The following ARSB variants were observed in gnomAD, a reference collection of about 807,000 sequenced individuals.
ARSB encodes arylsulfatase B, also known as N-acetylgalactosamine-4-sulfatase.
A neutral mutation model predicts 50.9 loss-of-function variants in ARSB; 41 were observed. That is an observed-to-expected ratio of 0.81 (90% CI 0.63 to 1.04). The LOEUF is 1.04. Among genes scored for constraint, ARSB ranks in the 50% least tolerant of loss-of-function variants. The probability of loss-of-function intolerance (pLI) is 0.00; values close to 1 mark genes in which losing one functional copy is unlikely to be tolerated. For missense variants in ARSB, 672 were observed against 693.3 expected (o/e 0.97, Z 0.35); for synonymous variants, 269 against 284.8 (o/e 0.94, Z 0.56).
intron 4 of ARSB, among the ~76,000 whole-genome samples, chr5:78,945,968 CATA>C (rs1488664615): frequency 6.6e-6 from 1 of 152,146 alleles, no homozygotes; most frequent in Admixed American, 6.5e-5. Context: ...ATTCCCACTG[CATA>C]ATAATAATAC....
At chr5:78,848,201 A>C (rs893522355) in intron 5 of ARSB, among the ~76,000 whole-genome samples, 1 of 147,438 alleles carries the variant, frequency 6.8e-6, no homozygotes, top group Non-Finnish European at 1.5e-5. Context: ...TATATCTCCT[A>C]ATGCTATCCT....
rs540387813 is a variant in ARSB at position 78,871,203 on chromosome 5, G to A, written c.1142+14381C>T. Among the ~76,000 whole-genome samples, 96 of 151,634 alleles carry A rather than the reference G, an allele frequency of 6.3e-4. 1 individual carries two copies. The highest frequency in any genetic ancestry group is 1.2e-3 in the Non-Finnish European group (81 of 67,896). ...ATGGAAGAACATTCCATGCTCATGGGTAGGAAGAATCAATATCGTGAAAAT... is the reference window on the plus strand; with the variant it reads ...ATGGAAGAACATTCCATGCTCATGGATAGGAAGAATCAATATCGTGAAAAT... On this transcript the variant is annotated intron_variant, in intron 5 of 7. Coordinates refer to ENST00000264914, the MANE Select transcript of ARSB (RefSeq NM_000046.5).
chr5:78,853,055 C>G (rs549410910), intron 5 of ARSB, among the ~76,000 whole-genome samples: 1 of 152,370 alleles, frequency 6.6e-6, no homozygotes, highest in East Asian at 1.9e-4. Context: ...CTTTTCTCAA[C>G]TCGTCAAAGT....
At chr5:78,924,508 G>A (rs568003392) in intron 4 of ARSB, among the ~76,000 whole-genome samples, 31 of 152,280 alleles carry the variant, frequency 2.0e-4, no homozygotes, top group African/African-American at 7.5e-4. Flanking sequence ...CTATGGCTTT[G>A]CCCAGCCTTG....
intron 5 of ARSB, among the ~76,000 whole-genome samples, chr5:78,863,285 C>A (rs544645830): frequency 6.6e-6 from 1 of 152,254 alleles, no homozygotes; most frequent in South Asian, 2.1e-4. Flanking sequence ...ATAAATCATG[C>A]TACTATAAAG....
rs1748858285 is a variant in ARSB, at chr5:78,779,304, C to T, written c.*1093G>A. The T allele has an allele frequency of 6.6e-6, 1 of 152,110 alleles. No individual in the cohort carries two copies. The highest frequency in any genetic ancestry group is 2.1e-4 in the South Asian group (1 of 4,816). The allele number at this position is 152,110 out of a possible 1,614,324, so 9.4% of individuals were successfully genotyped here. On this transcript the variant is annotated 3_prime_UTR_variant, in exon 8 of 8. Transcript: ENST00000264914. ...AGAGAATAAGAGGACTGTGGGTGTG[C>T]CCTCCTCTGCTTTACCAAGGCCCAG...
intron 4 of ARSB, among the ~76,000 whole-genome samples, chr5:78,899,857 C>T (rs1293527491): frequency 6.6e-6 from 1 of 152,076 alleles, no homozygotes; most frequent in Non-Finnish European, 1.5e-5. Context: ...GACTGTGGTT[C>T]CCTGTTTGCT....
chr5:78,919,383 C>A (rs529851280), intron 4 of ARSB, among the ~76,000 whole-genome samples: 4 of 152,176 alleles, frequency 2.6e-5, no homozygotes, highest in Admixed American at 6.5e-5. Context: ...ATGTATGATC[C>A]AAATACCCAA....
At chr5:78,898,844 C>T (rs975430519) in intron 4 of ARSB, among the ~76,000 whole-genome samples, 3 of 152,180 alleles carry the variant, frequency 2.0e-5, no homozygotes, top group Admixed American at 6.5e-5. Context: ...GATTGCATAC[C>T]AGCAATACAG....
At chr5:78,968,812 T>C (rs1020531706) in intron 2 of ARSB, among the ~76,000 whole-genome samples, 194 bp downstream of exon 2, 1 of 152,168 alleles carries the variant, frequency 6.6e-6, no homozygotes, top group Non-Finnish European at 1.5e-5. Flanking sequence ...ACAAAGGTAA[T>C]GGGTTTGCCC....
chr5:78,934,972 T>C (rs1478277345), intron 4 of ARSB, among the ~76,000 whole-genome samples: 2 of 152,124 alleles, frequency 1.3e-5, no homozygotes, highest in Admixed American at 6.5e-5. Context: ...CTAGCATTCA[T>C]CACTTTAAAC....
chr5:78,937,807 A>G (rs1439371499), intron 4 of ARSB, among the ~76,000 whole-genome samples: 1 of 152,088 alleles, frequency 6.6e-6, no homozygotes, highest in African/African-American at 2.4e-5. Flanking sequence ...CACAGACACA[A>G]TCTAGGTTCA....
chr5:78,970,813 T>C (rs962019588), intron 1 of ARSB, among the ~76,000 whole-genome samples: 2 of 152,018 alleles, frequency 1.3e-5, no homozygotes, highest in African/African-American at 4.8e-5. Flanking sequence ...TAGAAAAAAT[T>C]AGCAAGGCAT....
chr5:78,914,024 G>A lies in ARSB; in HGVS notation c.899-28197C>T, dbSNP rs191791304. Among the ~76,000 whole-genome samples the A allele has an allele frequency of 1.6e-3, 237 of 149,862 alleles. 1 individual carries two copies. Among genetic ancestry groups the A allele is most frequent in the Middle Eastern group, 3.4e-3 (1 of 290 alleles). On this transcript the variant is annotated intron_variant, in intron 4 of 7. Coordinates refer to ENST00000264914, the MANE Select transcript of ARSB (RefSeq NM_000046.5). Reference sequence around the variant, plus strand: ...ATCACCCAGGCAGGAGTGCGGTGGTGCAATCATAGTACGTTGTAACCTCAA... The same window carrying A: ...ATCACCCAGGCAGGAGTGCGGTGGTACAATCATAGTACGTTGTAACCTCAA...
chr5:78,909,472 AGATGCT>A, intron 4 of ARSB, among the ~76,000 whole-genome samples: 1 of 152,210 alleles, frequency 6.6e-6, no homozygotes. Flanking sequence ...CTTTGCCCTG[AGATGCT>A]GTTAATCTGT....
At chr5:78,935,572 T>C (rs1184727555) in intron 4 of ARSB, among the ~76,000 whole-genome samples, 2 of 152,124 alleles carry the variant, frequency 1.3e-5, no homozygotes, top group Non-Finnish European at 2.9e-5. Context: ...AATAGCCTGA[T>C]GAGAGTAACA....
chr5:78,936,151 T>C (rs1406322677), intron 4 of ARSB, among the ~76,000 whole-genome samples: 2 of 132,120 alleles, frequency 1.5e-5, no homozygotes, highest in African/African-American at 5.9e-5. Context: ...TTTTGGTGGA[T>C]TCTCACTCTA....
chr5:78,821,783 G>A (rs898997831), intron 6 of ARSB, among the ~76,000 whole-genome samples: 1 of 152,178 alleles, frequency 6.6e-6, no homozygotes. Context: ...TGAAATAACA[G>A]AATTCCTCTT....
At position 78,919,484 on chromosome 5, in the gene ARSB, C is replaced by T. The variant is rs192583914; in HGVS notation, c.899-33657G>A. Among the ~76,000 whole-genome samples the T allele has an allele frequency of 7.5e-3, 1,136 of 151,854 alleles. 15 individuals carry two copies. The highest frequency in any genetic ancestry group is 0.025 in the African/African-American group (1,052 of 41,390). ...AGAGTTACTTATTTATTCATTTATT[C>T]ATTTATTTATTTATTTATTTATTTT... is the stretch of plus-strand genomic sequence containing the variant. On this transcript the variant is annotated intron_variant, in intron 4 of 7. Transcript: ENST00000264914.
Sources: allele counts gnomAD v4.1 joint callset (sites outside exome capture counted in the v4.1 genomes callset), GRCh38; gene constraint gnomAD v4.1.1; transcripts MANE v1.5; gene names NCBI Gene and HGNC (gene_info 2026-07-23, HGNC 2026-07-21).